The following PABPC4 variants were observed in gnomAD, a reference collection of about 807,000 sequenced individuals.
The protein encoded by PABPC4 is poly(A) binding protein cytoplasmic 4.
PABPC4 carries 15 observed loss-of-function variants against 74.5 expected under a neutral mutation model. The ratio of observed to expected loss-of-function variants is 0.20; its 90% CI spans 0.13 to 0.31. PABPC4 has a LOEUF of 0.31. Among genes scored for constraint, PABPC4 ranks in the 10% least tolerant of loss-of-function variants. PABPC4 has a pLI of 1.00. For missense variants in PABPC4, 610 were observed against 853.5 expected (o/e 0.71, Z 3.55); for synonymous variants, 345 against 303.0 (o/e 1.14, Z -1.44).
rs909995240 is a variant in PABPC4 at position 39,576,206 on chromosome 1, C to T, written c.-255G>A. The stretch of plus-strand genomic sequence containing the variant: ...CCCTCCCCGCGACTTTGCACTTCTC[C>T]GCGGTCCTGGTGCGAAGCTCCAAAT... On this transcript the variant is annotated 5_prime_UTR_variant, in exon 1 of 16. Transcript: ENST00000372858. The T allele has an allele frequency of 5.0e-6, 2 of 399,016 alleles. No individual in the cohort carries two copies. The highest frequency in any genetic ancestry group is 4.4e-6 in the Non-Finnish European group (1 of 225,470). 24.7% of individuals were successfully genotyped at this position (399,016 alleles called of 1,614,324 possible).
chr1:39,569,969 C>G lies in PABPC4; in HGVS notation c.537G>C (p.Arg179=). 6.2e-7 allele frequency: 1 copy of G among 1,614,030 alleles called. No homozygotes were observed. The highest frequency in any genetic ancestry group is 8.5e-7 in the Non-Finnish European group (1 of 1,180,006). The change falls in exon 4 of 16, where the codon CGG becomes CGC. Residue 179 remains arginine, a synonymous_variant. Transcript: ENST00000372858. ...FVGRFKSRKE[R]EAELGAKAKE... ...TGGCTTTGGCTCCAAGCTCAGCTTC[C>G]CGCTCTTTGCGAGACTTGAATCTGC...
rs1052767158 is a variant in PABPC4, at chr1:39,561,142, C to T, written c.*14-20G>A. The T allele has an allele frequency of 2.1e-6, 1 of 470,590 alleles. No homozygotes were observed. Among genetic ancestry groups the T allele is most frequent in the Non-Finnish European group, 4.4e-6 (1 of 226,868 alleles). 29.2% of individuals were successfully genotyped at this position (470,590 alleles called of 1,614,324 possible). A position where few individuals can be genotyped will look rare whatever the true frequency, so the allele number is the denominator to read the frequency against. ...TGAATCCTGTAAAGAAAAGCACCAA[C>T]ACAAATAAATGCATAATCAAATAAT... On this transcript the variant is annotated intron_variant, in intron 15 of 15. Coordinates refer to ENST00000372858, the MANE Select transcript of PABPC4 (RefSeq NM_001135653.2).
At position 39,569,980 on chromosome 1, in the gene PABPC4, G is replaced by C; in HGVS notation, c.526C>G (p.Arg176Gly). ...CCAAGCTCAGCTTCCCGCTCTTTGCGAGACTTGAATCTGCCCACAAATCTA... is the reference window on the plus strand; with the variant it reads ...CCAAGCTCAGCTTCCCGCTCTTTGCCAGACTTGAATCTGCCCACAAATCTA... ...RKVFVGRFKS[R>G]KEREAELGAK... Residue 176 changes from arginine (R) to glycine (G), a missense_variant, in exon 4 of 16, where the codon CGC becomes GGC. Transcript: ENST00000372858. 1 of 1,613,908 alleles carries C rather than the reference G, an allele frequency of 6.2e-7. No homozygotes were observed. Among genetic ancestry groups the C allele is most frequent in the Non-Finnish European group, 8.5e-7 (1 of 1,179,978 alleles).
chr1:39,565,500 G>A (rs1054170785), intron 7 of PABPC4, 122 bp from the exon 8 acceptor site: 10 of 980,514 alleles, frequency 1.0e-5, no homozygotes, highest in Non-Finnish European at 4.6e-6. Flanking sequence ...TCAGGAGGTT[G>A]AGACCAGCTT....
intron 15 of PABPC4, 37 bp downstream of exon 15, chr1:39,561,648 T>C (rs773809858): frequency 7.1e-6 from 10 of 1,413,468 alleles, no homozygotes; most frequent in Non-Finnish European, 1.0e-5. Context: ...ATAGGAACAA[T>C]GCTCATAGGA....
Position 39,560,995 on chromosome 1 carries a change from A to C in PABPC4, c.*141T>G. 1 of 382,288 alleles carries C rather than the reference A, an allele frequency of 2.6e-6. No individual in the cohort carries two copies. Among genetic ancestry groups the C allele is most frequent in the Non-Finnish European group, 5.5e-6 (1 of 182,246 alleles). The allele number at this position is 382,288 out of a possible 1,614,324, so 23.7% of individuals were successfully genotyped here. On this transcript the variant is annotated 3_prime_UTR_variant, in exon 16 of 16. Transcript: ENST00000372858. ...AAAAATTCTAGGTGCTTCATAATTG[A>C]CCTTTTGATACAAAATGACCTATTA...
At chr1:39,568,135 T>C (rs1409245357) in intron 6 of PABPC4, 2 of 263,852 alleles carry the variant, frequency 7.6e-6, no homozygotes, top group African/African-American at 2.3e-5. Context: ...CGGGTGCCTG[T>C]AGTCCCAGCT....
At chr1:39,564,831 G>A in intron 8 of PABPC4, 58 bp from the exon 9 acceptor site, 1 of 1,324,282 alleles carries the variant, frequency 7.6e-7, no homozygotes, top group East Asian at 2.3e-5. Flanking sequence ...TCCTAGAGAA[G>A]TATCTCATCT....
At chr1:39,574,860 C>G (rs1199947937) in intron 1 of PABPC4, among the ~76,000 whole-genome samples, 2 of 152,246 alleles carry the variant, frequency 1.3e-5, no homozygotes. Flanking sequence ...CCTCCTGCCA[C>G]GCCTGCAGCA....
intron 1 of PABPC4, among the ~76,000 whole-genome samples, chr1:39,574,377 C>A (rs1181613726): frequency 6.6e-6 from 1 of 152,238 alleles, no homozygotes; most frequent in African/African-American, 2.4e-5. Flanking sequence ...ACAAGGCAAG[C>A]CGGCTTAGTC....
intron 2 of PABPC4, among the ~76,000 whole-genome samples, chr1:39,571,993 C>T (rs1326817512): frequency 6.6e-6 from 1 of 152,180 alleles, no homozygotes; most frequent in East Asian, 1.9e-4. Context: ...TAAACATATA[C>T]ACCACCACCG....
intron 1 of PABPC4, chr1:39,572,796 A>T: frequency 2.0e-6 from 1 of 490,472 alleles, no homozygotes. Flanking sequence ...TCATGACAGA[A>T]GTCTAAACAC....
chr1:39,575,953 TCCCCGCC>T lies in PABPC4; in HGVS notation c.-9_-3del, dbSNP rs778275407. ...GTAGCTGCTGGCCGCAGCGTTCATC[TCCCCGCC>T]CCCCACCACCCCGAGCCCCGCCAGG... On this transcript the variant is annotated 5_prime_UTR_variant, in exon 1 of 16. Coordinates refer to ENST00000372858, the MANE Select transcript of PABPC4 (RefSeq NM_001135653.2). The T allele has an allele frequency of 6.4e-7, 1 of 1,559,082 alleles. No homozygotes were observed. The highest frequency in any genetic ancestry group is 8.7e-7 in the Non-Finnish European group (1 of 1,149,574).
chr1:39,562,452 G>T (rs571998042), intron 12 of PABPC4, 36 bp from the exon 13 acceptor site: 4 of 1,483,416 alleles, frequency 2.7e-6, no homozygotes, highest in East Asian at 2.3e-5. Context: ...TAGCACTGAG[G>T]AAAGGACAAC....
At chr1:39,571,435 C>G (rs1217956576) in intron 2 of PABPC4, 86 bp from the exon 3 acceptor site, 1 of 1,534,764 alleles carries the variant, frequency 6.5e-7, no homozygotes, top group Non-Finnish European at 9.0e-7. Flanking sequence ...CCTGAGGAGA[C>G]TCTAGCCCAT....
chr1:39,566,016 C>A (rs1288815715), intron 7 of PABPC4, among the ~76,000 whole-genome samples: 2 of 152,176 alleles, frequency 1.3e-5, no homozygotes, highest in Non-Finnish European at 2.9e-5. Flanking sequence ...GGTTCTGGCA[C>A]AGGATTTACC....
intron 2 of PABPC4, chr1:39,571,709 C>CA (rs1411799987): frequency 3.2e-5 from 14 of 434,364 alleles, no homozygotes; most frequent in South Asian, 1.2e-4. Context: ...CCTGTCTCTA[C>CA]AAAAAAGAAA....
chr1:39,570,693 T>C (rs1645927065), intron 3 of PABPC4: 1 of 157,978 alleles, frequency 6.3e-6, no homozygotes, highest in South Asian at 1.9e-4. Flanking sequence ...ATGAAGTTTT[T>C]CTGCAAAGGG....
rs1005150895 is a variant in PABPC4, at chr1:39,561,189, G to A, written c.*14-67C>T. On this transcript the variant is annotated intron_variant, in intron 15 of 15. Coordinates refer to ENST00000372858, the MANE Select transcript of PABPC4 (RefSeq NM_001135653.2). ...TAATTTAGATTCATTAACATATAGTGGATAAAGGAAGGTATTCTAGAAGAG... is the reference window on the plus strand; with the variant it reads ...TAATTTAGATTCATTAACATATAGTAGATAAAGGAAGGTATTCTAGAAGAG... 1.2e-4 allele frequency: 56 copies of A among 462,716 alleles called. 1 individual carries two copies. The highest frequency in any genetic ancestry group is 1.1e-3 in the Admixed American group (44 of 40,486). 28.7% of individuals were successfully genotyped at this position (462,716 alleles called of 1,614,324 possible). A position where few individuals can be genotyped will look rare whatever the true frequency, so the allele number is the denominator to read the frequency against.
Sources: allele counts gnomAD v4.1 joint callset (sites outside exome capture counted in the v4.1 genomes callset), GRCh38; gene constraint gnomAD v4.1.1; transcripts MANE v1.5; gene names NCBI Gene and HGNC (gene_info 2026-07-23, HGNC 2026-07-21).